Variants in DGKG observed in about 807,000 individuals in gnomAD.
DGKG encodes diacylglycerol kinase gamma, also known as DAG kinase gamma.
DGKG carries 78 observed loss-of-function variants against 105.3 expected under a neutral mutation model. The ratio of observed to expected loss-of-function variants is 0.74; its 90% CI spans 0.62 to 0.89. The LOEUF (loss-of-function observed/expected upper bound fraction) is 0.89. DGKG is among the 40% of genes least tolerant of loss of function. The pLI is 0.00. For synonymous variants in DGKG, 346 were observed against 367.1 expected, an observed-to-expected ratio of 0.94 and a Z score of 0.66; for missense variants, 958 against 1,020.1, an observed-to-expected ratio of 0.94 and a Z score of 0.83.
At chr3:186,354,781 G>A (rs1317447854) in intron 1 of DGKG, among the ~76,000 whole-genome samples, 2 of 152,194 alleles carry the variant, frequency 1.3e-5, no homozygotes, top group Non-Finnish European at 1.5e-5. Flanking sequence ...CTTCAGAAAA[G>A]GAAGTGAAAA....
intron 9 of DGKG, among the ~76,000 whole-genome samples, chr3:186,277,209 A>G (rs973562855): frequency 5.9e-5 from 9 of 152,242 alleles, no homozygotes; most frequent in African/African-American, 2.2e-4. Flanking sequence ...AAATGACATC[A>G]TGTAAGTAAA....
At chr3:186,270,082 C>T (rs1722248288) in intron 11 of DGKG, among the ~76,000 whole-genome samples, 1 of 152,146 alleles carries the variant, frequency 6.6e-6, no homozygotes, top group Admixed American at 6.5e-5. Flanking sequence ...GTATTAAAAA[C>T]CCAGGAAATA....
At chr3:186,221,969 T>C (rs1719604271) in intron 20 of DGKG, among the ~76,000 whole-genome samples, 2 of 152,246 alleles carry the variant, frequency 1.3e-5, no homozygotes, top group African/African-American at 4.8e-5. Context: ...GGGTCTGACC[T>C]GCACTGGCTG....
At chr3:186,310,288 AACCAC>A (rs1724473635) in intron 2 of DGKG, among the ~76,000 whole-genome samples, 1 of 148,086 alleles carries the variant, frequency 6.8e-6, no homozygotes. Context: ...AAAAAAAAAA[AACCAC>A]ACACACACAA....
intron 1 of DGKG, among the ~76,000 whole-genome samples, chr3:186,335,035 T>C (rs1725764671): frequency 6.6e-6 from 1 of 152,186 alleles, no homozygotes; most frequent in East Asian, 1.9e-4. Flanking sequence ...AACAAATTAA[T>C]TTTCTAAAGC....
chr3:186,320,654 T>G lies in DGKG; in HGVS notation c.-195A>C, dbSNP rs1725034268. On this transcript the variant is annotated 5_prime_UTR_variant, in exon 2 of 25. Transcript: ENST00000265022. ...ATGAGACAAGATCTCTGCTATTCCTTAGGCAACATCCTCCTGTCTGTATTC... is the reference window on the plus strand; with the variant it reads ...ATGAGACAAGATCTCTGCTATTCCTGAGGCAACATCCTCCTGTCTGTATTC... The G allele has an allele frequency of 1.3e-6, 1 of 755,112 alleles. No homozygotes were observed. The highest frequency in any genetic ancestry group is 2.0e-6 in the Non-Finnish European group (1 of 510,538). The allele number at this position is 755,112 out of a possible 1,614,324, so 46.8% of individuals were successfully genotyped here.
intron 18 of DGKG, among the ~76,000 whole-genome samples, chr3:186,252,293 C>A (rs1029352776): frequency 5.3e-5 from 8 of 152,224 alleles, no homozygotes; most frequent in Admixed American, 3.3e-4. Flanking sequence ...TTAAGATGGC[C>A]GCTAGGCCTA....
At chr3:186,252,518 C>T (rs987760293) in intron 18 of DGKG, among the ~76,000 whole-genome samples, 1 of 152,224 alleles carries the variant, frequency 6.6e-6, no homozygotes, top group African/African-American at 2.4e-5. Context: ...CTGCAGTTTG[C>T]AAAGTTCTCT....
intron 22 of DGKG, among the ~76,000 whole-genome samples, chr3:186,173,720 G>C (rs1475277279): frequency 6.6e-6 from 1 of 152,248 alleles, no homozygotes; most frequent in African/African-American, 2.4e-5. Flanking sequence ...TCAAAGTGCA[G>C]CTCAAAGGCA....
intron 1 of DGKG, among the ~76,000 whole-genome samples, chr3:186,347,970 T>C (rs1300877768): frequency 2.6e-5 from 4 of 152,230 alleles, no homozygotes; most frequent in Non-Finnish European, 5.9e-5. Context: ...TTTATATTCA[T>C]CTACTGTCTT....
At chr3:186,228,598 G>A (rs1364592001) in intron 20 of DGKG, among the ~76,000 whole-genome samples, 1 of 152,030 alleles carries the variant, frequency 6.6e-6, no homozygotes, top group Admixed American at 6.6e-5. Flanking sequence ...ACTCCACCCG[G>A]GAACCTCCGG....
chr3:186,205,731 C>A (rs184775143), intron 21 of DGKG, among the ~76,000 whole-genome samples: 136 of 151,790 alleles, frequency 9.0e-4, no homozygotes, highest in Non-Finnish European at 1.6e-3. Context: ...AAACAACAAC[C>A]ACAACAACAA....
intron 24 of DGKG, among the ~76,000 whole-genome samples, chr3:186,155,016 C>A (rs568796684): frequency 1.3e-5 from 2 of 152,228 alleles, no homozygotes; most frequent in South Asian, 4.1e-4. Context: ...GGAGAAGATT[C>A]TGAATTTTGA....
At chr3:186,276,501 G>A (rs1722595479) in intron 9 of DGKG, among the ~76,000 whole-genome samples, 1 of 152,200 alleles carries the variant, frequency 6.6e-6, no homozygotes, top group Non-Finnish European at 1.5e-5. Flanking sequence ...TGATAATCAA[G>A]ATGAAAGAGT....
At chr3:186,295,126 A>G (rs1435760805) in intron 5 of DGKG, among the ~76,000 whole-genome samples, 1 of 152,092 alleles carries the variant, frequency 6.6e-6, no homozygotes, top group East Asian at 1.9e-4. Context: ...ACATTGAAGA[A>G]ACTCTCTCTT....
chr3:186,153,411 A>G (rs1337014330), intron 24 of DGKG, among the ~76,000 whole-genome samples: 3 of 152,184 alleles, frequency 2.0e-5, no homozygotes, highest in Non-Finnish European at 4.4e-5. Context: ...TGGGCGAGTC[A>G]GGCCATTAAC....
chr3:186,282,658 G>A (rs1578772910), intron 7 of DGKG, among the ~76,000 whole-genome samples: 1 of 151,870 alleles, frequency 6.6e-6, no homozygotes, highest in African/African-American at 2.4e-5. Context: ...GACTACAGGC[G>A]CCCGCCACCA....
At chr3:186,172,450 T>A (rs757264485) in intron 22 of DGKG, among the ~76,000 whole-genome samples, 3 of 152,160 alleles carry the variant, frequency 2.0e-5, no homozygotes, top group Non-Finnish European at 4.4e-5. Context: ...CACACCACCA[T>A]GGTGGCAAGG....
At chr3:186,158,936 A>C (rs1716159987) in intron 24 of DGKG, 1 of 597,624 alleles carries the variant, frequency 1.7e-6, no homozygotes, top group Non-Finnish European at 2.1e-6. Flanking sequence ...AGCATAATTA[A>C]CATTACTATG....
Sources: allele counts gnomAD v4.1 joint callset (sites outside exome capture counted in the v4.1 genomes callset), GRCh38; gene constraint gnomAD v4.1.1; transcripts MANE v1.5; gene names NCBI Gene and HGNC (gene_info 2026-07-23, HGNC 2026-07-21).